Variants in ZNF236 observed in about 807,000 individuals in gnomAD.
ZNF236 encodes the protein regulated by glucose.
ZNF236 carries 50 observed loss-of-function variants against 191.2 expected under a neutral mutation model. The observed-to-expected ratio is 0.26, with a 90% CI of 0.21 to 0.33. The LOEUF (loss-of-function observed/expected upper bound fraction) is 0.33. ZNF236 is among the 10% of genes least tolerant of loss of function. ZNF236 has a pLI of 1.00. For missense variants in ZNF236, 1,754 were observed against 2,374.5 expected (o/e 0.74, Z 5.43); for synonymous variants, 907 against 928.8 (o/e 0.98, Z 0.43).
At chr18:76,923,435 A>T (rs1467988024) in intron 21 of ZNF236, among the ~76,000 whole-genome samples, 1 of 152,256 alleles carries the variant, frequency 6.6e-6, no homozygotes, top group Non-Finnish European at 1.5e-5. Context: ...TCATGCTTAA[A>T]TAACTTTGTT....
intron 30 of ZNF236, among the ~76,000 whole-genome samples, chr18:76,967,388 G>C (rs113494253): frequency 2.1e-3 from 34 of 16,174 alleles, no homozygotes; most frequent in East Asian, 0.017. Context: ...TGTGAGATTT[G>C]TGATTTGGTT....
intron 1 of ZNF236, among the ~76,000 whole-genome samples, chr18:76,844,190 A>C (rs1975608608): frequency 6.6e-6 from 1 of 151,564 alleles, no homozygotes; most frequent in Admixed American, 6.6e-5. Flanking sequence ...CAGTGAGTGG[A>C]GATCACACCA....
Position 76,927,012 on chromosome 18 carries a change from A to ATTCTCT in ZNF236, c.4028-12_4028-7dup. The ATTCTCT allele has an allele frequency of 6.3e-7, 1 of 1,581,402 alleles. No individual in the cohort carries two copies. Among genetic ancestry groups the ATTCTCT allele is most frequent in the African/African-American group, 1.4e-5 (1 of 73,624 alleles). ...TAAGAAGCATTCATAATATTTGATC[A>ATTCTCT]TTCTCTTTCTCTTTCTCTGGCCAGC... is the stretch of plus-strand genomic sequence containing the variant. On this transcript the variant is annotated intron_variant, in intron 22 of 30. Coordinates refer to ENST00000320610, the MANE Select transcript of ZNF236 (RefSeq NM_001306089.2). This position sits in a 1 kb window ranked among gnomAD's most constrained non-coding sequence, Gnocchi z 5.4.
intron 30 of ZNF236, among the ~76,000 whole-genome samples, chr18:76,961,252 C>A (rs558908519): frequency 6.6e-6 from 1 of 152,008 alleles, no homozygotes; most frequent in South Asian, 2.1e-4. Flanking sequence ...TGAGAACATG[C>A]GATGTTTGGT....
rs769706237 is a variant in ZNF236, at chr18:76,914,302, C to T, written c.3061+404C>T. Among the ~76,000 whole-genome samples, 5 of 152,172 alleles carry T rather than the reference C, an allele frequency of 3.3e-5. No individual in the cohort carries two copies. The South Asian group carries it at 6.2e-4, about 19-fold the overall frequency. On this transcript the variant is annotated intron_variant, in intron 18 of 30. Transcript: ENST00000320610. Reference sequence around the variant, plus strand: ...TTCCTTTCCATTGTAGGATATGCCACGTCTTATTGATCCATTCATCGGGTG... The same window carrying T: ...TTCCTTTCCATTGTAGGATATGCCATGTCTTATTGATCCATTCATCGGGTG...
intron 30 of ZNF236, among the ~76,000 whole-genome samples, chr18:76,964,073 C>G (rs937347578): frequency 5.3e-5 from 8 of 152,210 alleles, no homozygotes; most frequent in South Asian, 2.1e-4. Flanking sequence ...TAGTTCTGCT[C>G]TAATCTTGGT....
At chr18:76,920,460 A>T (rs888362244) in intron 20 of ZNF236, among the ~76,000 whole-genome samples, 3 of 151,648 alleles carry the variant, frequency 2.0e-5, no homozygotes, top group Non-Finnish European at 4.4e-5. Flanking sequence ...CTGAGACAGG[A>T]GAATCGCTTG....
intron 11 of ZNF236, among the ~76,000 whole-genome samples, chr18:76,900,683 G>A (rs17060032): frequency 0.064 from 9,737 of 152,132 alleles, 1,010 homozygotes; most frequent in African/African-American, 0.22. Context: ...GACCAAAGCC[G>A]TCCTAGGAAA....
rs750153517 is a variant in ZNF236 at position 76,849,558 on chromosome 18, A to G, written c.88A>G (p.Asn30Asp). Residue 30 changes from asparagine to aspartate, a missense_variant, in exon 2 of 31, where the codon AAT becomes GAT. Asn to Asp is a conservative substitution (Grantham distance 23, BLOSUM62 1). Transcript: ENST00000320610. The stretch of plus-strand genomic sequence containing the variant: ...TTTAACATTGAATGCGGAGAACACT[A>G]ATTATGCCTATCAAGTTCCAAACTT... Reference protein sequence around the residue: ...GVLTLNAENTNYAYQVPNFHK... With the variant: ...GVLTLNAENTDYAYQVPNFHK... 7 of 1,611,912 alleles carry G rather than the reference A, an allele frequency of 4.3e-6. 1 individual carries two copies. The African/African-American group carries it at 6.7e-5, about 15-fold the overall frequency.
rs955281885 is a variant in ZNF236, at chr18:76,880,356, G to C, written c.1188+40G>C. On this transcript the variant is annotated intron_variant, in intron 8 of 30. Coordinates refer to ENST00000320610, the MANE Select transcript of ZNF236 (RefSeq NM_001306089.2). The surrounding 1 kb of genome is among the most constrained non-coding windows in gnomAD (Gnocchi z 5.0). ...CCTGCGGTGTGAGGCTTACGTGCTCGTGCTGGGTCAGAAACCAGGGATGAT... is the reference window on the plus strand; with the variant it reads ...CCTGCGGTGTGAGGCTTACGTGCTCCTGCTGGGTCAGAAACCAGGGATGAT... The C allele has an allele frequency of 1.2e-5, 18 of 1,555,020 alleles. No homozygotes were observed. The African/African-American group carries it at 2.3e-4, about 20-fold the overall frequency.
chr18:76,898,880 AT>A, intron 10 of ZNF236, 138 bp from the exon 11 acceptor site: 1 of 713,328 alleles, frequency 1.4e-6, no homozygotes, highest in Non-Finnish European at 2.3e-6. Flanking sequence ...ATAATTTACA[AT>A]ATCCATTAAA....
At position 76,968,381 on chromosome 18, in the gene ZNF236, C is replaced by T. The variant is rs756164453; in HGVS notation, c.*42C>T. On this transcript the variant is annotated 3_prime_UTR_variant, in exon 31 of 31. Coordinates refer to ENST00000320610, the MANE Select transcript of ZNF236 (RefSeq NM_001306089.2). The stretch of plus-strand genomic sequence containing the variant: ...ACCTTTAAGAATGTTTCTGAAGTTA[C>T]GTTTTGTGAAGAGCAAAGCACTTGG... 6 of 1,577,822 alleles carry T rather than the reference C, an allele frequency of 3.8e-6. No homozygotes were observed. Among genetic ancestry groups the T allele is most frequent in the South Asian group, 1.2e-5 (1 of 84,656 alleles).
At chr18:76,929,000 T>A (rs1380251760) in intron 25 of ZNF236, among the ~76,000 whole-genome samples, 1 of 149,346 alleles carries the variant, frequency 6.7e-6, no homozygotes, top group Non-Finnish European at 1.5e-5. Flanking sequence ...CGTGGAGATC[T>A]GATGTGACAG....
chr18:76,908,542 G>T lies in ZNF236; in HGVS notation c.2520G>T (p.Gln840His). ...VGTEEAGLGQ[Q>H]LADQPLEADE... ...CGGAGGAAGCAGGGCTGGGCCAGCA[G>T]TTGGCAGATCAGCCCCTGGAAGCAG... Residue 840 changes from glutamine to histidine, a missense_variant, in exon 14 of 31, where the codon CAG becomes CAT. Coordinates refer to ENST00000320610, the MANE Select transcript of ZNF236 (RefSeq NM_001306089.2). The T allele has an allele frequency of 1.9e-6, 3 of 1,611,738 alleles. No individual in the cohort carries two copies. Among genetic ancestry groups the T allele is most frequent in the Non-Finnish European group, 2.5e-6 (3 of 1,179,056 alleles).
chr18:76,905,128 T>A (rs1312376107), intron 12 of ZNF236, 27 bp from the exon 13 acceptor site: 10 of 1,583,660 alleles, frequency 6.3e-6, no homozygotes, highest in Non-Finnish European at 7.7e-6. Flanking sequence ...AGAAACATAT[T>A]CATTAAAATG....
At chr18:76,941,199 T>C (rs930449596) in intron 26 of ZNF236, among the ~76,000 whole-genome samples, 1 of 152,174 alleles carries the variant, frequency 6.6e-6, no homozygotes, top group Non-Finnish European at 1.5e-5. Context: ...AGCAGGTTCT[T>C]GAGGAAGGGC....
In ZNF236 at chr18:76,959,537, C is replaced by G. The variant is rs1968609759; in HGVS notation, c.5113-150C>G. The G allele has an allele frequency of 1.4e-5, 12 of 855,850 alleles. No individual in the cohort carries two copies. In the East Asian group the frequency reaches 3.4e-4, roughly 24 times the overall value. 53.0% of individuals were successfully genotyped at this position (855,850 alleles called of 1,614,324 possible). A position where few individuals can be genotyped will look rare whatever the true frequency, so the allele number is the denominator to read the frequency against. On this transcript the variant is annotated intron_variant, in intron 28 of 30. Transcript: ENST00000320610. ...TGTCACTCTGTTGTCACTACCGATG[C>G]ATTGAAGTCCTTAAGAACACAAATC...
intron 13 of ZNF236, 117 bp from the exon 14 acceptor site, chr18:76,908,203 A>G: frequency 7.4e-7 from 1 of 1,352,850 alleles, no homozygotes; most frequent in Admixed American, 2.2e-5. Context: ...TGACTTCAAA[A>G]TGAAATCATT....
In ZNF236 at chr18:76,960,572, A is replaced by G. The variant is rs1968642620; in HGVS notation, c.5243-107A>G. 2.8e-6 allele frequency: 4 copies of G among 1,410,020 alleles called. No homozygotes were observed. Among genetic ancestry groups the G allele is most frequent in the Non-Finnish European group, 3.0e-6 (3 of 1,012,674 alleles). The allele number at this position is 1,410,020 out of a possible 1,614,324, so 87.3% of individuals were successfully genotyped here. ...CAGATGACAGCCAGGCTGAAAGCCT[A>G]AAAGAAAAGAGGAACATTCAGTCCC... On this transcript the variant is annotated intron_variant, in intron 29 of 30. Transcript: ENST00000320610. This position sits in a 1 kb window ranked among gnomAD's most constrained non-coding sequence, Gnocchi z 4.4.
Sources: allele counts gnomAD v4.1 joint callset (sites outside exome capture counted in the v4.1 genomes callset), GRCh38; gene constraint gnomAD v4.1.1; non-coding constraint Gnocchi (gnomAD v3.1); transcripts MANE v1.5; gene names NCBI Gene and HGNC (gene_info 2026-07-23, HGNC 2026-07-21).